MYO5A: variants seen among roughly 807,000 people sequenced by gnomAD.
MYO5A encodes myosin VA, also known as unconventional myosin-Va.
Under a neutral mutation model 249.7 loss-of-function variants are expected in MYO5A, and 98 were observed. The ratio of observed to expected loss-of-function variants is 0.39; its 90% CI spans 0.33 to 0.46. The LOEUF (loss-of-function observed/expected upper bound fraction) is 0.46, where lower values mean the gene tolerates loss of function less well. MYO5A is among the 20% of genes least tolerant of loss of function. The pLI is 0.98. For missense variants in MYO5A, 1,696 were observed against 2,308.8 expected (o/e 0.73, Z 5.44); for synonymous variants, 778 against 810.6 (o/e 0.96, Z 0.68).
chr15:52,527,994 CATAAT>C (rs1461569068), intron 1 of MYO5A, among the ~76,000 whole-genome samples: 6 of 152,164 alleles, frequency 3.9e-5, no homozygotes, highest in Non-Finnish European at 8.8e-5. Context: ...GACAGTTCTC[CATAAT>C]ATGTCATTCA....
At chr15:52,476,532 G>A (rs2076597819) in intron 1 of MYO5A, among the ~76,000 whole-genome samples, 1 of 152,184 alleles carries the variant, frequency 6.6e-6, no homozygotes, top group Non-Finnish European at 1.5e-5. Context: ...GGCTGGTACT[G>A]GTTGTTCCTT....
rs1205350764 is a variant in MYO5A at position 52,307,725 on chromosome 15, T to G, written c.*5971A>C. 1 of 152,178 alleles carries G rather than the reference T, an allele frequency of 6.6e-6. No individual in the cohort carries two copies. Among genetic ancestry groups the G allele is most frequent in the East Asian group, 1.9e-4 (1 of 5,208 alleles). 9.4% of individuals were successfully genotyped at this position (152,178 alleles called of 1,614,324 possible). On this transcript the variant is annotated 3_prime_UTR_variant, in exon 42 of 42. Transcript: ENST00000399233. ...TGAAAACTGCAATGTTCAATTCCATTTTAGTTAAAAGGATGTCCATTTCAT... is the reference window on the plus strand; with the variant it reads ...TGAAAACTGCAATGTTCAATTCCATGTTAGTTAAAAGGATGTCCATTTCAT...
At chr15:52,409,230 C>T (rs1724629) in intron 6 of MYO5A, among the ~76,000 whole-genome samples, 71,579 of 151,718 alleles carry the variant, frequency 0.47, 18,653 homozygotes, top group East Asian at 0.85. Context: ...CCATCTTTCC[C>T]CCCTGCTTAC....
chr15:52,312,782 T>C lies in MYO5A; in HGVS notation c.*914A>G, dbSNP rs1342415320. 1.3e-5 allele frequency: 2 copies of C among 152,226 alleles called. No individual in the cohort carries two copies. The highest frequency in any genetic ancestry group is 2.4e-5 in the African/African-American group (1 of 41,458). The allele number at this position is 152,226 out of a possible 1,614,324, so 9.4% of individuals were successfully genotyped here. A position where few individuals can be genotyped will look rare whatever the true frequency, so the allele number is the denominator to read the frequency against. On this transcript the variant is annotated 3_prime_UTR_variant, in exon 42 of 42. Coordinates refer to ENST00000399233, the MANE Select transcript of MYO5A (RefSeq NM_001382347.1). The stretch of plus-strand genomic sequence containing the variant: ...CAGAACACTGTACCCTGACGCAATA[T>C]CCACCCAGGGAAAATTAATGAGCAC...
At chr15:52,326,677 G>C (rs2038625626) in intron 36 of MYO5A, among the ~76,000 whole-genome samples, 1 of 152,144 alleles carries the variant, frequency 6.6e-6, no homozygotes, top group Non-Finnish European at 1.5e-5. Flanking sequence ...CCACGTAACT[G>C]TACACTTAAA....
Position 52,388,575 on chromosome 15 carries a change from G to A in MYO5A, c.1668+663C>T, listed in dbSNP as rs759364896. ...TAGAAAGTCCTCAATCCCTAAAGGAGACCCTGTGAAACTTACCCCAAAGCC... is the reference window on the plus strand; with the variant it reads ...TAGAAAGTCCTCAATCCCTAAAGGAAACCCTGTGAAACTTACCCCAAAGCC... On this transcript the variant is annotated intron_variant, in intron 13 of 41. Coordinates refer to ENST00000399233, the MANE Select transcript of MYO5A (RefSeq NM_001382347.1). Among the ~76,000 whole-genome samples the A allele has an allele frequency of 3.9e-5, 6 of 152,156 alleles. No individual in the cohort carries two copies. The South Asian group carries it at 1.0e-3, about 26-fold the overall frequency.
At position 52,433,404 on chromosome 15, in the gene MYO5A, T is replaced by C. The variant is rs538408974; in HGVS notation, c.28-119A>G. ...ATGAAAAAAGAAATCTTGGCCAACA[T>C]GAAATTCACTTTTTTTTTTTTTTTT... On this transcript the variant is annotated intron_variant, in intron 1 of 41. Coordinates refer to ENST00000399233, the MANE Select transcript of MYO5A (RefSeq NM_001382347.1). The C allele has an allele frequency of 8.7e-4, 356 of 408,664 alleles. 5 individuals carry two copies. Among genetic ancestry groups the C allele is most frequent in the South Asian group, 7.8e-3 (344 of 44,022 alleles). 25.3% of individuals were successfully genotyped at this position (408,664 alleles called of 1,614,324 possible).
Position 52,313,293 on chromosome 15 carries a change from G to A in MYO5A, c.*403C>T, listed in dbSNP as rs1432041790. ...TTCCATTCTCCTGTTTAGTGCAGAG[G>A]AGGTTCTTTGGTGCCTTCCTAACAA... On this transcript the variant is annotated 3_prime_UTR_variant, in exon 42 of 42. Transcript: ENST00000399233. 4.0e-6 allele frequency: 1 copy of A among 250,032 alleles called. No homozygotes were observed. 15.5% of individuals were successfully genotyped at this position (250,032 alleles called of 1,614,324 possible).
intron 20 of MYO5A, among the ~76,000 whole-genome samples, chr15:52,374,722 G>A (rs996403357): frequency 1.3e-5 from 2 of 152,188 alleles, no homozygotes; most frequent in African/African-American, 4.8e-5. Context: ...TTCTCCCCTG[G>A]AGCTTCTGGA....
chr15:52,406,818 T>G (rs1271468156), intron 8 of MYO5A, among the ~76,000 whole-genome samples: 1 of 152,150 alleles, frequency 6.6e-6, no homozygotes, highest in Non-Finnish European at 1.5e-5. Flanking sequence ...TCTGTCATGA[T>G]GCCAACTCAG....
intron 1 of MYO5A, among the ~76,000 whole-genome samples, chr15:52,488,310 T>C (rs2076866231): frequency 6.6e-6 from 1 of 152,182 alleles, no homozygotes; most frequent in African/African-American, 2.4e-5. Flanking sequence ...AAATAATGAA[T>C]TCTTGGAAAC....
chr15:52,453,705 T>G (rs1056434284), intron 1 of MYO5A, among the ~76,000 whole-genome samples: 1 of 152,116 alleles, frequency 6.6e-6, no homozygotes, highest in Admixed American at 6.5e-5. Context: ...GTAGGGGGAA[T>G]GGAATTAGAT....
chr15:52,403,921 A>C (rs776872209), intron 9 of MYO5A, among the ~76,000 whole-genome samples: 1 of 152,154 alleles, frequency 6.6e-6, no homozygotes, highest in Non-Finnish European at 1.5e-5. Flanking sequence ...GCTTTCTGTA[A>C]ACCAAACTGT....
intron 12 of MYO5A, among the ~76,000 whole-genome samples, chr15:52,390,339 A>T (rs1201569010): frequency 6.6e-6 from 1 of 152,174 alleles, no homozygotes; most frequent in Non-Finnish European, 1.5e-5. Context: ...ATTATTATAC[A>T]TCGCATGCCT....
At chr15:52,407,990 G>A (rs977214499) in intron 7 of MYO5A, 69 bp downstream of exon 7, 2 of 1,053,260 alleles carry the variant, frequency 1.9e-6, no homozygotes, top group Non-Finnish European at 2.9e-6. Flanking sequence ...TTTTTAACAA[G>A]TAAATTTAGG....
Position 52,351,339 on chromosome 15 carries a change from A to G in MYO5A, c.3764T>C (p.Val1255Ala), listed in dbSNP as rs2039941163. 1 of 1,614,054 alleles carries G rather than the reference A, an allele frequency of 6.2e-7. No individual in the cohort carries two copies. Among genetic ancestry groups the G allele is most frequent in the African/African-American group, 1.3e-5 (1 of 74,922 alleles). ...YRVLMEQLTSVSEELDVRKEE... is the reference protein window; with the variant it reads ...YRVLMEQLTSASEELDVRKEE... ...CTTGCGGACATCAAGCTCCTCGCTCACAGAGGTCAGCTGCTCCATGAGGAC... is the reference window on the plus strand; with the variant it reads ...CTTGCGGACATCAAGCTCCTCGCTCGCAGAGGTCAGCTGCTCCATGAGGAC... Residue 1255 changes from valine (V) to alanine (A), a missense_variant, in exon 28 of 42, where the codon GTG becomes GCG. Physicochemically the swap from Val to Ala is moderately conservative, Grantham distance 64 (BLOSUM62 0). Around this residue, in one of 5 missense-constraint regions of MYO5A, gnomAD observed 625 missense variants for 908.1 expected, o/e 0.69. Transcript: ENST00000399233.
intron 1 of MYO5A, among the ~76,000 whole-genome samples, chr15:52,522,117 C>T (rs890909620): frequency 3.9e-5 from 6 of 152,084 alleles, no homozygotes; most frequent in East Asian, 1.9e-4. Flanking sequence ...GCATTCATTT[C>T]GGAAAAACCA....
chr15:52,489,585 T>C (rs541137596), intron 1 of MYO5A, among the ~76,000 whole-genome samples: 1 of 147,520 alleles, frequency 6.8e-6, no homozygotes, highest in African/African-American at 2.5e-5. Flanking sequence ...AAAACCAACC[T>C]CTGTGCATCA....
intron 21 of MYO5A, 74 bp downstream of exon 21, chr15:52,372,050 A>C: frequency 6.2e-7 from 1 of 1,607,522 alleles, no homozygotes; most frequent in South Asian, 1.1e-5. Flanking sequence ...AGTCAAAGAA[A>C]AACAATATTG....
Sources: gnomAD v4.1 joint callset for allele counts (sites outside exome capture counted in the v4.1 genomes callset) on GRCh38, gnomAD v4.1.1 for gene constraint, gnomAD v4.1.1 regional missense constraint, MANE v1.5 for transcripts, NCBI Gene and HGNC (gene_info 2026-07-23, HGNC 2026-07-21) for gene names.